PIEZO2: variants seen among roughly 807,000 people sequenced by gnomAD.
PIEZO2 encodes piezo-type mechanosensitive ion channel component 2.
A neutral mutation model predicts 337.3 loss-of-function variants in PIEZO2; 172 were observed. That is an observed-to-expected ratio of 0.51 (90% CI 0.45 to 0.58). The LOEUF is 0.58. Among genes scored for constraint, PIEZO2 ranks in the 20% least tolerant of loss-of-function variants. The pLI, the probability that PIEZO2 is intolerant of heterozygous loss-of-function variation, is 0.00. For synonymous variants in PIEZO2, 1,251 were observed against 1,228.5 expected, an observed-to-expected ratio of 1.02 and a Z score of -0.38; for missense variants, 3,028 against 3,391.3, an observed-to-expected ratio of 0.89 and a Z score of 2.66.
At chr18:10,849,267 C>T (rs141018244) in intron 7 of PIEZO2, among the ~76,000 whole-genome samples, 2,727 of 152,350 alleles carry the variant, frequency 0.018, 84 homozygotes, top group African/African-American at 0.062. Context: ...CTGCCTTGGC[C>T]TCCCAAAGTG....
Position 10,713,374 on chromosome 18 carries a change from C to G in PIEZO2, c.5423+1390G>C, listed in dbSNP as rs1462197813. On this transcript the variant is annotated intron_variant, in intron 39 of 55. Transcript: ENST00000674853. The surrounding 1 kb of genome is among the most constrained non-coding windows in gnomAD (Gnocchi z 4.5). ...TTTTGGTTTTTTTTTTACCCACATT[C>G]CTCACTCAGTTTGTAATTCCAACAT... Among the ~76,000 whole-genome samples the G allele has an allele frequency of 6.6e-6, 1 of 151,864 alleles. No individual in the cohort carries two copies. Among genetic ancestry groups the G allele is most frequent in the Non-Finnish European group, 1.5e-5 (1 of 67,986 alleles).
intron 15 of PIEZO2, 84 bp from the exon 16 acceptor site, chr18:10,787,268 A>AGACAAGTGATACATT: frequency 8.1e-7 from 1 of 1,241,436 alleles, no homozygotes. Context: ...AATTCAAGTA[A>AGACAAGTGATACATT]GACAAGTGAT....
At chr18:10,832,159 G>A (rs1031157457) in intron 7 of PIEZO2, among the ~76,000 whole-genome samples, 1 of 152,098 alleles carries the variant, frequency 6.6e-6, no homozygotes, top group African/African-American at 2.4e-5. Context: ...TTAGCCAGGT[G>A]TGGTAGTGGG....
At chr18:10,963,675 T>C (rs1369057516) in intron 3 of PIEZO2, among the ~76,000 whole-genome samples, 3 of 152,190 alleles carry the variant, frequency 2.0e-5, no homozygotes, top group Non-Finnish European at 4.4e-5. Flanking sequence ...TTAAAACACA[T>C]GGAATAATAC....
intron 5 of PIEZO2, among the ~76,000 whole-genome samples, chr18:10,867,417 G>A (rs1368814311): frequency 1.3e-5 from 2 of 152,204 alleles, no homozygotes; most frequent in African/African-American, 4.8e-5. Flanking sequence ...CTAGGAATTA[G>A]AAAGCAGGGT....
intron 3 of PIEZO2, among the ~76,000 whole-genome samples, chr18:10,964,691 C>G (rs1191114899): frequency 2.6e-5 from 4 of 152,172 alleles, no homozygotes; most frequent in African/African-American, 9.7e-5. Context: ...AACTACCACC[C>G]TACTAGTTCC....
At chr18:10,835,547 C>CTTTT (rs58831248) in intron 7 of PIEZO2, among the ~76,000 whole-genome samples, 1 of 146,338 alleles carries the variant, frequency 6.8e-6, no homozygotes, top group South Asian at 2.2e-4. Context: ...TAACCAAGTT[C>CTTTT]TTTTTTTTTT....
chr18:10,867,852 T>C (rs184778030), intron 5 of PIEZO2, among the ~76,000 whole-genome samples: 2 of 152,384 alleles, frequency 1.3e-5, no homozygotes, highest in African/African-American at 2.4e-5. Context: ...CAGTTATGAC[T>C]GATTTGTAGA....
At chr18:10,898,916 G>A (rs2042974999) in intron 4 of PIEZO2, among the ~76,000 whole-genome samples, 1 of 152,124 alleles carries the variant, frequency 6.6e-6, no homozygotes. Flanking sequence ...GTAAACATAC[G>A]AAGCCTGGGA....
In PIEZO2 at chr18:11,027,339, G is replaced by GC. The variant is rs1164852043; in HGVS notation, c.160+38787dup. ...CCTGTGTGTGAATAAAGGAAGGACTGCGACTGTCAATTCACCAGTGAGGCA... is the reference window on the plus strand; with the variant it reads ...CCTGTGTGTGAATAAAGGAAGGACTGCCGACTGTCAATTCACCAGTGAGGCA... On this transcript the variant is annotated intron_variant, in intron 2 of 55. Transcript: ENST00000674853. This position sits in a 1 kb window ranked among gnomAD's most constrained non-coding sequence, Gnocchi z 4.2. Among the ~76,000 whole-genome samples the GC allele has an allele frequency of 2.0e-5, 3 of 152,180 alleles. No individual in the cohort carries two copies. Among genetic ancestry groups the GC allele is most frequent in the African/African-American group, 7.2e-5 (3 of 41,466 alleles).
At chr18:10,852,223 C>T (rs1245063945) in intron 7 of PIEZO2, among the ~76,000 whole-genome samples, 1 of 152,194 alleles carries the variant, frequency 6.6e-6, no homozygotes, top group African/African-American at 2.4e-5. Context: ...AGAGGCTCCC[C>T]AGTTTTACTG....
At chr18:10,804,627 A>T (rs1042638434) in intron 8 of PIEZO2, among the ~76,000 whole-genome samples, 3 of 152,088 alleles carry the variant, frequency 2.0e-5, no homozygotes, top group Non-Finnish European at 4.4e-5. Flanking sequence ...GTCCCAGTGC[A>T]CCAGAGTAGA....
chr18:10,883,155 T>C (rs1381653648), intron 4 of PIEZO2, among the ~76,000 whole-genome samples: 5 of 152,230 alleles, frequency 3.3e-5, no homozygotes, highest in Non-Finnish European at 7.3e-5. Flanking sequence ...ACATTTTCTT[T>C]ATCCATTTAT....
intron 47 of PIEZO2, among the ~76,000 whole-genome samples, chr18:10,693,325 T>C (rs996798301): frequency 6.6e-6 from 1 of 151,026 alleles, no homozygotes; most frequent in Non-Finnish European, 1.5e-5. Context: ...ATCTGCCGCA[T>C]GGTTTTGCTT....
At chr18:10,998,347 C>A (rs1280143167) in intron 2 of PIEZO2, among the ~76,000 whole-genome samples, 1 of 115,058 alleles carries the variant, frequency 8.7e-6, no homozygotes, top group African/African-American at 3.5e-5. Context: ...TACACACACA[C>A]ACATACACAT....
chr18:11,127,600 ACTGG>A lies in PIEZO2; in HGVS notation c.64+20921_64+20924del, dbSNP rs1479486855. Among the ~76,000 whole-genome samples the A allele has an allele frequency of 6.6e-6, 1 of 151,982 alleles. No individual in the cohort carries two copies. The highest frequency in any genetic ancestry group is 2.4e-5 in the African/African-American group (1 of 41,362). On this transcript the variant is annotated intron_variant, in intron 1 of 55. Transcript: ENST00000674853. This position sits in a 1 kb window ranked among gnomAD's most constrained non-coding sequence, Gnocchi z 4.5. ...CAAGTTCTTCAGTTTCGAGACTCAGACTGGCTCTCCTTGCTCCTCAGCTTGCAGA... is the reference window on the plus strand; with the variant it reads ...CAAGTTCTTCAGTTTCGAGACTCAGACTCTCCTTGCTCCTCAGCTTGCAGA...
At chr18:10,807,897 T>G (rs561457909) in intron 7 of PIEZO2, among the ~76,000 whole-genome samples, 19 of 152,356 alleles carry the variant, frequency 1.2e-4, no homozygotes, top group Non-Finnish European at 2.5e-4. Context: ...TCTGTTACAT[T>G]TTGAAATGTT....
chr18:10,886,416 ATATATATG>A (rs1568165748), intron 4 of PIEZO2, among the ~76,000 whole-genome samples: 2 of 61,818 alleles, frequency 3.2e-5, no homozygotes, highest in Non-Finnish European at 5.6e-5. Flanking sequence ...ATATATATAT[ATATATATG>A]TAATCTCCAG....
At position 11,096,815 on chromosome 18, in the gene PIEZO2, G is replaced by T. The variant is rs2039274845; in HGVS notation, c.65-30593C>A. 6.6e-6 allele frequency among the ~76,000 whole-genome samples: 1 copy of T among 152,168 alleles called. No individual in the cohort carries two copies. Among genetic ancestry groups the T allele is most frequent in the Non-Finnish European group, 1.5e-5 (1 of 68,034 alleles). On this transcript the variant is annotated intron_variant, in intron 1 of 55. Transcript: ENST00000674853. This position sits in a 1 kb window ranked among gnomAD's most constrained non-coding sequence, Gnocchi z 4.6. The stretch of plus-strand genomic sequence containing the variant: ...AAGCACTCATTCTTCTGCATTTCCT[G>T]CTGCCCACTGCCAGCAAAATGGGAA...
Sources: gnomAD v4.1 joint callset for allele counts (sites outside exome capture counted in the v4.1 genomes callset) on GRCh38, gnomAD v4.1.1 for gene constraint, Gnocchi (gnomAD v3.1) non-coding constraint, MANE v1.5 for transcripts, NCBI Gene and HGNC (gene_info 2026-07-23, HGNC 2026-07-21) for gene names.